Variants in ROPN1 observed in about 807,000 individuals in gnomAD.
ROPN1 encodes ropporin-1A.
A neutral mutation model predicts 20.5 loss-of-function variants in ROPN1; 14 were observed. The observed-to-expected ratio is 0.68, with a 90% CI of 0.45 to 1.07. The LOEUF is 1.07. ROPN1 is among the 50% of genes least tolerant of loss of function. The probability of loss-of-function intolerance (pLI) is 0.00; values close to 1 mark genes in which losing one functional copy is unlikely to be tolerated. For missense variants in ROPN1, 169 were observed against 242.8 expected (o/e 0.70, Z 2.02); for synonymous variants, 76 against 95.7 (o/e 0.79, Z 1.20).
chr3:123,990,008 C>A (rs2038365901), intron 1 of ROPN1, among the ~76,000 whole-genome samples: 1 of 152,174 alleles, frequency 6.6e-6, no homozygotes, highest in South Asian at 2.1e-4. Context: ...TTATATTGAA[C>A]TTCTCTTGTT....
chr3:123,977,047 A>G (rs1297723327), intron 2 of ROPN1, 66 bp from the exon 3 acceptor site: 1 of 1,478,024 alleles, frequency 6.8e-7, no homozygotes, highest in East Asian at 2.4e-5. Flanking sequence ...TGTTCTAGCA[A>G]TCCTTCCACC....
intron 4 of ROPN1, among the ~76,000 whole-genome samples, chr3:123,971,443 T>A (rs576163323): frequency 7.2e-5 from 11 of 152,332 alleles, no homozygotes; most frequent in African/African-American, 2.4e-4. Flanking sequence ...TAAAACAGAA[T>A]CTTCAATACA....
chr3:123,984,170 G>A (rs533626811), intron 1 of ROPN1, among the ~76,000 whole-genome samples: 38 of 152,238 alleles, frequency 2.5e-4, no homozygotes, highest in African/African-American at 8.4e-4. Flanking sequence ...TGGAGAGCTC[G>A]CAGCCTCTTC....
intron 4 of ROPN1, chr3:123,974,484 T>C (rs2037978386): frequency 6.6e-6 from 1 of 152,246 alleles, no homozygotes; most frequent in African/African-American, 2.4e-5. Context: ...AAATTTGGAC[T>C]ACAATATTTC....
chr3:123,972,275 TATAA>T (rs1346203004), intron 4 of ROPN1, among the ~76,000 whole-genome samples: 10 of 152,270 alleles, frequency 6.6e-5, no homozygotes, highest in African/African-American at 2.4e-4. Flanking sequence ...TGGATGAGTG[TATAA>T]ATAACTCTTT....
intron 4 of ROPN1, among the ~76,000 whole-genome samples, chr3:123,973,139 A>G (rs1397382407): frequency 6.6e-6 from 1 of 152,178 alleles, no homozygotes; most frequent in Non-Finnish European, 1.5e-5. Context: ...AGATTTCAAT[A>G]TATGAATTTT....
intron 3 of ROPN1, among the ~76,000 whole-genome samples, chr3:123,975,952 G>A (rs1046367002): frequency 6.6e-6 from 1 of 152,132 alleles, no homozygotes; most frequent in Non-Finnish European, 1.5e-5. Flanking sequence ...ACATAGGTCT[G>A]TTTCTTCCCG....
intron 1 of ROPN1, among the ~76,000 whole-genome samples, chr3:123,984,376 C>T (rs7646740): frequency 0.078 from 11,853 of 152,210 alleles, 1,550 homozygotes; most frequent in African/African-American, 0.27. Flanking sequence ...CCTTTGGCCT[C>T]AAAGTCTGAG....
intron 1 of ROPN1, chr3:123,980,786 C>T (rs998597530): frequency 3.3e-6 from 1 of 301,468 alleles, no homozygotes; most frequent in Admixed American, 4.5e-5. Context: ...AATGATATCA[C>T]CCCCCAAAAT....
At chr3:123,979,659 G>A (rs2038095983) in intron 2 of ROPN1, 1 of 375,862 alleles carries the variant, frequency 2.7e-6, no homozygotes, top group Non-Finnish European at 5.2e-6. Context: ...AGGCACCCGT[G>A]TTTGAGGCAC....
At chr3:123,969,643 C>T (rs1387266093) in intron 5 of ROPN1, among the ~76,000 whole-genome samples, 1 of 152,164 alleles carries the variant, frequency 6.6e-6, no homozygotes, top group Non-Finnish European at 1.5e-5. Flanking sequence ...TGCTTCTCCT[C>T]CTCCTCCTTC....
chr3:123,975,969 C>G (rs1249057546), intron 3 of ROPN1, among the ~76,000 whole-genome samples: 1 of 152,222 alleles, frequency 6.6e-6, no homozygotes, highest in East Asian at 1.9e-4. Flanking sequence ...CCCGATTGCA[C>G]TGAGTTCTTA....
chr3:123,990,360 T>C (rs2038377826), intron 1 of ROPN1, among the ~76,000 whole-genome samples: 1 of 151,910 alleles, frequency 6.6e-6, no homozygotes, highest in Admixed American at 6.6e-5. Flanking sequence ...CAGAAAAGTC[T>C]AGAGTGACTA....
chr3:123,988,379 C>A (rs1003154486), intron 1 of ROPN1, among the ~76,000 whole-genome samples: 1 of 152,176 alleles, frequency 6.6e-6, no homozygotes, highest in African/African-American at 2.4e-5. Flanking sequence ...GTCAGAAGGA[C>A]AATCAGAAGT....
intron 1 of ROPN1, among the ~76,000 whole-genome samples, chr3:123,986,194 T>C (rs1005667108): frequency 5.3e-5 from 8 of 151,304 alleles, no homozygotes; most frequent in African/African-American, 1.9e-4. Context: ...AGCCATATTT[T>C]CTTTGAAAAC....
At chr3:123,973,349 G>A (rs2037951114) in intron 4 of ROPN1, among the ~76,000 whole-genome samples, 1 of 152,158 alleles carries the variant, frequency 6.6e-6, no homozygotes, top group African/African-American at 2.4e-5. Flanking sequence ...GAGGAGCAAA[G>A]TCAGATATGT....
At chr3:123,970,325 G>A in intron 4 of ROPN1, 108 bp from the exon 5 acceptor site, 1 of 958,096 alleles carries the variant, frequency 1.0e-6, no homozygotes, top group Non-Finnish European at 1.6e-6. Flanking sequence ...ATAAAATGAA[G>A]TGGGAACAAT....
intron 1 of ROPN1, among the ~76,000 whole-genome samples, chr3:123,989,005 C>T (rs1396530950): frequency 1.3e-5 from 2 of 152,080 alleles, no homozygotes; most frequent in Non-Finnish European, 2.9e-5. Flanking sequence ...GTGGTGATAT[C>T]TGAGATATCT....
chr3:123,989,206 A>G (rs962696965), intron 1 of ROPN1, among the ~76,000 whole-genome samples: 1 of 152,196 alleles, frequency 6.6e-6, no homozygotes, highest in Non-Finnish European at 1.5e-5. Flanking sequence ...GGGAACTGTA[A>G]TTATGGAGCT....
Sources: gnomAD v4.1 joint callset for allele counts (sites outside exome capture counted in the v4.1 genomes callset) on GRCh38, gnomAD v4.1.1 for gene constraint, MANE v1.5 for transcripts, NCBI Gene and HGNC (gene_info 2026-07-23, HGNC 2026-07-21) for gene names.